EGFLAM: variants seen among roughly 807,000 people sequenced by gnomAD.
EGFLAM encodes the protein pikachurin.
In EGFLAM, 79 loss-of-function variants were observed where a neutral mutation model predicts 113.1. That is an observed-to-expected ratio of 0.70 (90% CI 0.58 to 0.84). EGFLAM has a LOEUF of 0.84. Ranked by LOEUF, EGFLAM falls within the 40% of genes least tolerant of loss-of-function variation. The pLI is 0.00. For synonymous variants in EGFLAM, 504 were observed against 487.6 expected (o/e 1.03, Z -0.44); for missense variants, 1,265 against 1,291.6 (o/e 0.98, Z 0.32).
intron 6 of EGFLAM, among the ~76,000 whole-genome samples, chr5:38,386,176 A>G (rs964193934): frequency 2.0e-5 from 3 of 152,242 alleles, no homozygotes; most frequent in Non-Finnish European, 2.9e-5. Context: ...TGTATTAGGT[A>G]TGCAAGTTAC....
At chr5:38,425,902 C>T (rs1480219133) in intron 13 of EGFLAM, among the ~76,000 whole-genome samples, 1 of 151,986 alleles carries the variant, frequency 6.6e-6, no homozygotes, top group Non-Finnish European at 1.5e-5. Flanking sequence ...CCGAGGTGGG[C>T]GGATCACGAG....
intron 1 of EGFLAM, among the ~76,000 whole-genome samples, chr5:38,269,284 C>A (rs546149258): frequency 9.2e-5 from 14 of 152,266 alleles, no homozygotes; most frequent in Middle Eastern, 3.4e-3. Flanking sequence ...GTCCCTCCCA[C>A]CCCTAGTTTA....
intron 1 of EGFLAM, among the ~76,000 whole-genome samples, chr5:38,317,734 A>G (rs1738638024): frequency 1.3e-5 from 2 of 152,216 alleles, no homozygotes; most frequent in African/African-American, 4.8e-5. Flanking sequence ...ATTAAACCCC[A>G]TCTTCTTCTA....
chr5:38,287,886 T>G (rs969623542), intron 1 of EGFLAM, among the ~76,000 whole-genome samples: 2 of 152,236 alleles, frequency 1.3e-5, no homozygotes. Context: ...TAGCAATTGT[T>G]TATTTAATTA....
chr5:38,384,031 G>T (rs2112069443), intron 6 of EGFLAM, among the ~76,000 whole-genome samples: 1 of 152,228 alleles, frequency 6.6e-6, no homozygotes, highest in Non-Finnish European at 1.5e-5. Context: ...TAAAGGCCAA[G>T]ATATTGAAAT....
chr5:38,358,221 GGATCAC>G (rs1351858030), intron 5 of EGFLAM, among the ~76,000 whole-genome samples: 4 of 151,668 alleles, frequency 2.6e-5, no homozygotes, highest in Non-Finnish European at 1.5e-5. Context: ...CGAGGTGGGT[GGATCAC>G]GAGGTCAGGA....
chr5:38,413,755 G>A (rs555477662), intron 11 of EGFLAM, among the ~76,000 whole-genome samples: 1 of 152,260 alleles, frequency 6.6e-6, no homozygotes, highest in South Asian at 2.1e-4. Flanking sequence ...ATTATATAAA[G>A]CAGTGGTCCC....
intron 5 of EGFLAM, among the ~76,000 whole-genome samples, chr5:38,365,084 C>A (rs1740024209): frequency 6.6e-6 from 1 of 152,180 alleles, no homozygotes; most frequent in Admixed American, 6.5e-5. Flanking sequence ...GCTGCTCCAA[C>A]AAATTCCACT....
At chr5:38,401,568 G>A (rs1460794337) in intron 6 of EGFLAM, among the ~76,000 whole-genome samples, 4 of 152,102 alleles carry the variant, frequency 2.6e-5, no homozygotes, top group East Asian at 1.9e-4. Context: ...GGCAGTTTTC[G>A]GGGTCTTTGG....
intron 6 of EGFLAM, among the ~76,000 whole-genome samples, chr5:38,374,278 G>A (rs942228115): frequency 2.6e-5 from 4 of 152,094 alleles, no homozygotes; most frequent in African/African-American, 7.2e-5. Flanking sequence ...AGAAAGAATC[G>A]TTCACACAAA....
At chr5:38,385,755 T>C (rs1740643477) in intron 6 of EGFLAM, among the ~76,000 whole-genome samples, 1 of 152,242 alleles carries the variant, frequency 6.6e-6, no homozygotes, top group African/African-American at 2.4e-5. Context: ...GAATTATTTT[T>C]ATAATTCACT....
intron 11 of EGFLAM, among the ~76,000 whole-genome samples, chr5:38,417,221 G>A (rs779223784): frequency 5.9e-5 from 9 of 151,876 alleles, no homozygotes; most frequent in Non-Finnish European, 1.3e-4. Flanking sequence ...GGTGACACAT[G>A]CCTGTAATCC....
intron 6 of EGFLAM, 24 bp from the exon 7 acceptor site, chr5:38,406,102 G>A (rs932645494): frequency 4.9e-5 from 77 of 1,585,216 alleles, no homozygotes; most frequent in Non-Finnish European, 6.4e-5. Flanking sequence ...GCTGATGAAG[G>A]GTGTGCTGCT....
chr5:38,313,623 C>T (rs996780127), intron 1 of EGFLAM, among the ~76,000 whole-genome samples: 4 of 152,090 alleles, frequency 2.6e-5, no homozygotes, highest in African/African-American at 9.7e-5. Flanking sequence ...AATAACTAAT[C>T]AAAACATATA....
At chr5:38,377,138 T>C (rs1334760777) in intron 6 of EGFLAM, among the ~76,000 whole-genome samples, 1 of 152,002 alleles carries the variant, frequency 6.6e-6, no homozygotes, top group African/African-American at 2.4e-5. Context: ...TTTTTTTTTT[T>C]TGAGACAGAG....
chr5:38,427,064 T>C lies in EGFLAM; in HGVS notation c.1866T>C (p.Thr622=), dbSNP rs1483371174. ...AGTCTCTGAGATCTTACGCTGCAAC[T>C]CCCTGGCCACTGGAGCCCCAGCATT... ...FRESLRSYAA[T]PWPLEPQHYL... is the part of the protein sequence containing the mutation. Residue 622 remains threonine, a synonymous_variant, in exon 14 of 22, where the codon ACT becomes ACC. Coordinates refer to ENST00000322350, the MANE Select transcript of EGFLAM (RefSeq NM_152403.4). 1 of 1,614,088 alleles carries C rather than the reference T, an allele frequency of 6.2e-7. No homozygotes were observed. Among genetic ancestry groups the C allele is most frequent in the Non-Finnish European group, 8.5e-7 (1 of 1,180,026 alleles).
intron 2 of EGFLAM, 32 bp from the exon 3 acceptor site, chr5:38,338,666 T>A (rs372994231): frequency 1.9e-6 from 3 of 1,607,260 alleles, no homozygotes; most frequent in African/African-American, 2.7e-5. Context: ...GCACGGGCTC[T>A]GCTCTCACCA....
intron 14 of EGFLAM, chr5:38,430,099 T>C: frequency 4.4e-6 from 1 of 229,682 alleles, no homozygotes; most frequent in Non-Finnish European, 9.1e-6. Context: ...ATGACAGCTT[T>C]GCGTCGGAGT....
chr5:38,403,056 C>A (rs1051637064), intron 6 of EGFLAM, among the ~76,000 whole-genome samples: 2 of 152,130 alleles, frequency 1.3e-5, no homozygotes, highest in Non-Finnish European at 2.9e-5. Context: ...CTTTTACTAC[C>A]AAATGGATTT....
Sources: gnomAD v4.1 joint callset for allele counts (sites outside exome capture counted in the v4.1 genomes callset) on GRCh38, gnomAD v4.1.1 for gene constraint, MANE v1.5 for transcripts, NCBI Gene and HGNC (gene_info 2026-07-23, HGNC 2026-07-21) for gene names.